The following CGGBP1 variants were observed in gnomAD, a reference collection of about 807,000 sequenced individuals.
CGGBP1 encodes the protein CGG triplet repeat binding protein 1.
CGGBP1 carries 4 observed loss-of-function variants against 11.4 expected under a neutral mutation model. That is an observed-to-expected ratio of 0.35 (90% CI 0.17 to 0.80). The LOEUF (loss-of-function observed/expected upper bound fraction) is 0.80. Among genes scored for constraint, CGGBP1 ranks in the 30% least tolerant of loss-of-function variants. CGGBP1 has a pLI of 0.52. For synonymous variants in CGGBP1, 76 were observed against 74.1 expected, an observed-to-expected ratio of 1.03 and a Z score of -0.13; for missense variants, 135 against 202.1, an observed-to-expected ratio of 0.67 and a Z score of 2.01.
In CGGBP1 at chr3:88,053,284, T is replaced by C. The variant is rs1706467554; in HGVS notation, c.*2189A>G. On this transcript the variant is annotated 3_prime_UTR_variant, in exon 4 of 4. Transcript: ENST00000482016. ...GTTAACTAGCTTCAGGGAACAAAAG[T>C]TCCATAATCAATGAAGAAACATTAA... The C allele has an allele frequency of 6.6e-6, 1 of 152,112 alleles. No homozygotes were observed. The highest frequency in any genetic ancestry group is 1.5e-5 in the Non-Finnish European group (1 of 67,974). The allele number at this position is 152,112 out of a possible 1,614,324, so 9.4% of individuals were successfully genotyped here.
At chr3:88,066,859 G>A (rs1239643762) in intron 2 of CGGBP1, among the ~76,000 whole-genome samples, 1 of 152,108 alleles carries the variant, frequency 6.6e-6, no homozygotes, top group Non-Finnish European at 1.5e-5. Flanking sequence ...GATATGTGAA[G>A]AAATAAAATA....
chr3:88,139,942 A>G (rs2107892690), intron 2 of CGGBP1: 1 of 1,613,752 alleles, frequency 6.2e-7, no homozygotes, highest in Non-Finnish European at 8.5e-7. Flanking sequence ...CGGATATTTA[A>G]AAGAATTGGG....
rs1559701563 is a variant in CGGBP1 at position 88,088,750 on chromosome 3, ATG to A, written c.-228-30529_-228-30528del. On this transcript the variant is annotated intron_variant, in intron 2 of 3. Coordinates refer to the CGGBP1 transcript ENST00000462901. The stretch of plus-strand genomic sequence containing the variant: ...TTTAAAAAAAAACCTTTATTTATGT[ATG>A]TATGTATGTATGGATGGATGGATGG... Among the ~76,000 whole-genome samples, 1,173 of 126,808 alleles carry A rather than the reference ATG, an allele frequency of 9.3e-3. 22 individuals are homozygous for A. The highest frequency in any genetic ancestry group is 0.03 in the African/African-American group (1,118 of 36,856). The allele number at this position is 126,808 out of a possible 152,430, so 83.2% of individuals were successfully genotyped here. A position where few individuals can be genotyped will look rare whatever the true frequency, so the allele number is the denominator to read the frequency against.
chr3:88,082,852 T>C (rs1708151371), intron 2 of CGGBP1, among the ~76,000 whole-genome samples: 1 of 152,232 alleles, frequency 6.6e-6, no homozygotes, highest in African/African-American at 2.4e-5. Flanking sequence ...ATTTATTTTC[T>C]CACAGTTCTG....
Position 88,058,620 on chromosome 3 carries a change from G to A in CGGBP1, c.-331+195C>T, listed in dbSNP as rs555408642. ...CCGGGAACTCGACAGCCGACTTGGC[G>A]GCAGTCTCAAGGGAGGCGGCGGCAG... On this transcript the variant is annotated intron_variant, in intron 1 of 3. Transcript: ENST00000482016. Among the ~76,000 whole-genome samples, 9 of 152,342 alleles carry A rather than the reference G, an allele frequency of 5.9e-5. No individual in the cohort carries two copies. In the South Asian group the frequency reaches 6.2e-4, roughly 11 times the overall value.
At chr3:88,105,501 T>A (rs917569674) in intron 2 of CGGBP1, among the ~76,000 whole-genome samples, 3 of 152,214 alleles carry the variant, frequency 2.0e-5, no homozygotes, top group Admixed American at 6.5e-5. Flanking sequence ...TCCTTTTGGA[T>A]ACCTCTTTTT....
intron 2 of CGGBP1, among the ~76,000 whole-genome samples, chr3:88,123,236 C>T (rs1705888760): frequency 6.6e-6 from 1 of 151,986 alleles, no homozygotes; most frequent in Non-Finnish European, 1.5e-5. Context: ...TTTAAATAGA[C>T]CAAAATGAAA....
chr3:88,114,659 C>T (rs541361100), intron 2 of CGGBP1, among the ~76,000 whole-genome samples: 8 of 152,082 alleles, frequency 5.3e-5, no homozygotes, highest in Non-Finnish European at 1.2e-4. Flanking sequence ...TTTCCTTGAG[C>T]CTCTAACTCC....
intron 2 of CGGBP1, among the ~76,000 whole-genome samples, chr3:88,076,926 C>T (rs1707835526): frequency 6.6e-6 from 1 of 152,116 alleles, no homozygotes; most frequent in South Asian, 2.1e-4. Context: ...AAGTAGCTAA[C>T]TCAAGAGGGA....
rs200108034 is a variant in CGGBP1 at position 88,105,773 on chromosome 3, A to T, written c.-229+35197T>A. 8.5e-5 allele frequency among the ~76,000 whole-genome samples: 13 copies of T among 152,254 alleles called. No homozygotes were observed. In the East Asian group the frequency reaches 2.1e-3, roughly 25 times the overall value. On this transcript the variant is annotated intron_variant, in intron 2 of 3. Coordinates refer to the CGGBP1 transcript ENST00000462901. ...TTTGTATTTTTCTTCTTGTGACTGA[A>T]GTTTGAATATCTTTTTTTCATATCC...
At position 88,053,679 on chromosome 3, in the gene CGGBP1, T is replaced by C. The variant is rs1040817811; in HGVS notation, c.*1794A>G. ...TTTTCGTATTCTGAAAATAGTGCTATAAAACTCAATTATTCCTAGCTTCTA... is the reference window on the plus strand; with the variant it reads ...TTTTCGTATTCTGAAAATAGTGCTACAAAACTCAATTATTCCTAGCTTCTA... On this transcript the variant is annotated 3_prime_UTR_variant, in exon 4 of 4. Coordinates refer to ENST00000482016, the MANE Select transcript of CGGBP1 (RefSeq NM_001008390.2). 3.3e-5 allele frequency: 5 copies of C among 152,580 alleles called. No individual in the cohort carries two copies. The highest frequency in any genetic ancestry group is 6.3e-3 in the Middle Eastern group (2 of 316). The allele number at this position is 152,580 out of a possible 1,614,324, so 9.5% of individuals were successfully genotyped here. A position where few individuals can be genotyped will look rare whatever the true frequency, so the allele number is the denominator to read the frequency against.
upstream of CGGBP1, among the ~76,000 whole-genome samples, chr3:88,059,826 G>A (rs772878226): frequency 3.3e-5 from 5 of 152,114 alleles, no homozygotes; most frequent in African/African-American, 9.7e-5. Context: ...CTGCCCGAGA[G>A]TCCCGCCTTT....
At chr3:88,093,013 C>T in intron 2 of CGGBP1, among the ~76,000 whole-genome samples, 1 of 152,106 alleles carries the variant, frequency 6.6e-6, no homozygotes, top group Non-Finnish European at 1.5e-5. Flanking sequence ...CTTAAATCAG[C>T]TAATTATAAT....
chr3:88,094,536 G>GTATT (rs1703942463), intron 2 of CGGBP1, among the ~76,000 whole-genome samples: 1 of 152,088 alleles, frequency 6.6e-6, no homozygotes, highest in East Asian at 1.9e-4. Flanking sequence ...TTGGAAAATG[G>GTATT]TATTTATTGT....
intron 2 of CGGBP1, among the ~76,000 whole-genome samples, chr3:88,083,015 C>T (rs1708158786): frequency 6.6e-6 from 1 of 151,658 alleles, no homozygotes; most frequent in South Asian, 2.1e-4. Flanking sequence ...TTCTCCTTTT[C>T]CTCCCTCCCC....
Position 88,055,236 on chromosome 3 carries a change from T to C in CGGBP1, c.*237A>G. ...ATTAATTTTAAAGATAACCATCAGG[T>C]TTCAGGTATCCTAGCACACTCTAAA... is the stretch of plus-strand genomic sequence containing the variant. On this transcript the variant is annotated 3_prime_UTR_variant, in exon 4 of 4. Coordinates refer to ENST00000482016, the MANE Select transcript of CGGBP1 (RefSeq NM_001008390.2). The surrounding 1 kb of genome is among the most constrained non-coding windows in gnomAD (Gnocchi z 4.2). 2.7e-6 allele frequency: 1 copy of C among 364,500 alleles called. No homozygotes were observed. 22.6% of individuals were successfully genotyped at this position (364,500 alleles called of 1,614,324 possible). A position where few individuals can be genotyped will look rare whatever the true frequency, so the allele number is the denominator to read the frequency against.
chr3:88,139,533 T>C, intron 2 of CGGBP1: 1 of 1,613,482 alleles, frequency 6.2e-7, no homozygotes, highest in South Asian at 1.1e-5. Context: ...AATAAATTGT[T>C]CTAGTTCTTC....
At chr3:88,123,393 A>T (rs1315643260) in intron 2 of CGGBP1, among the ~76,000 whole-genome samples, 1 of 152,200 alleles carries the variant, frequency 6.6e-6, no homozygotes, top group Non-Finnish European at 1.5e-5. Context: ...AAGCTAGTTT[A>T]CTAATTTTTA....
rs148043707 is a variant in CGGBP1 at position 88,086,581 on chromosome 3, T to C, written c.-228-28358A>G. ...TGAACATGTAACCATAATTTTACTT[T>C]AAGTTTTAATAGTTAAATGGAATTT... On this transcript the variant is annotated intron_variant, in intron 2 of 3. Transcript: ENST00000462901. 4.5e-3 allele frequency among the ~76,000 whole-genome samples: 681 copies of C among 152,338 alleles called. 3 individuals are homozygous for C. Among genetic ancestry groups the C allele is most frequent in the Non-Finnish European group, 7.4e-3 (504 of 68,028 alleles).
Sources: allele counts gnomAD v4.1 joint callset (sites outside exome capture counted in the v4.1 genomes callset), GRCh38; gene constraint gnomAD v4.1.1; non-coding constraint Gnocchi (gnomAD v3.1); transcripts MANE v1.5; gene names NCBI Gene and HGNC (gene_info 2026-07-23, HGNC 2026-07-21).